TBC1D31: variants seen among roughly 807,000 people sequenced by gnomAD.
TBC1D31 encodes TBC1 domain family member 31, also known as WD repeat domain 67.
TBC1D31 carries 99 observed loss-of-function variants against 132.9 expected under a neutral mutation model. That is an observed-to-expected ratio of 0.74 (90% confidence interval 0.63 to 0.88). The LOEUF (loss-of-function observed/expected upper bound fraction) is 0.88, where lower values mean the gene tolerates loss of function less well. Among genes scored for constraint, TBC1D31 ranks in the 40% least tolerant of loss-of-function variants. The probability of loss-of-function intolerance (pLI) is 0.00; values close to 1 mark genes in which losing one functional copy is unlikely to be tolerated. For missense variants in TBC1D31, 1,134 were observed against 1,256.6 expected (o/e 0.90, Z 1.48); for synonymous variants, 385 against 419.4 (o/e 0.92, Z 1.00).
At position 123,144,860 on chromosome 8, in the gene TBC1D31, G is replaced by C. The variant is rs377733837; in HGVS notation, c.2974+5G>C. ...CTGAAAATCCATGTCATAAAGGTGA[G>C]TGTCTGAGAGGCCTTTCTCTCCATG... On this transcript the variant is annotated splice_donor_5th_base_variant and intron_variant, in intron 20 of 21. Coordinates refer to ENST00000287380, the MANE Select transcript of TBC1D31 (RefSeq NM_145647.4). The C allele has an allele frequency of 1.5e-5, 24 of 1,605,494 alleles. No homozygotes were observed. Among genetic ancestry groups the C allele is most frequent in the Non-Finnish European group, 1.9e-5 (22 of 1,177,804 alleles).
chr8:123,155,186 G>A (rs1464888435), downstream of TBC1D31, among the ~76,000 whole-genome samples: 1 of 152,108 alleles, frequency 6.6e-6, no homozygotes, highest in Non-Finnish European at 1.5e-5. The surrounding 1 kb of genome is among the most constrained non-coding windows in gnomAD (Gnocchi z 4.1). Context: ...GGGGTGGATT[G>A]ATCACATCTG....
downstream of TBC1D31, among the ~76,000 whole-genome samples, chr8:123,153,632 A>T (rs1345386121): frequency 6.6e-6 from 1 of 152,240 alleles, no homozygotes; most frequent in Admixed American, 6.5e-5. Flanking sequence ...AAAGGTTATC[A>T]CATTTAATGA....
At chr8:123,158,432 C>G in the TBC1D31 span, among the ~76,000 whole-genome samples, 1 of 152,100 alleles carries the variant, frequency 6.6e-6, no homozygotes, top group Non-Finnish European at 1.5e-5. Flanking sequence ...GTGGGGACCC[C>G]TGGGGAGAGT....
chr8:123,106,123 C>T (rs1339294954), intron 8 of TBC1D31, among the ~76,000 whole-genome samples: 1 of 152,180 alleles, frequency 6.6e-6, no homozygotes, highest in Non-Finnish European at 1.5e-5. Flanking sequence ...AATACAGTGT[C>T]CTTCCTTATC....
At chr8:123,085,100 T>G (rs564530477) in intron 4 of TBC1D31, among the ~76,000 whole-genome samples, 2 of 152,278 alleles carry the variant, frequency 1.3e-5, no homozygotes, top group South Asian at 4.1e-4. Flanking sequence ...GTGTGTGTGT[T>G]TTAAAGTAAA....
chr8:123,080,455 C>T (rs1364113878), intron 2 of TBC1D31, among the ~76,000 whole-genome samples: 1 of 151,494 alleles, frequency 6.6e-6, no homozygotes, highest in African/African-American at 2.4e-5. Flanking sequence ...AAGAGGGACC[C>T]CTTTGTAAAT....
intron 18 of TBC1D31, among the ~76,000 whole-genome samples, chr8:123,141,389 G>C (rs1821648439): frequency 7.6e-6 from 1 of 131,068 alleles, no homozygotes; most frequent in African/African-American, 2.9e-5. Context: ...GGTCAAATAA[G>C]TATTGGAAAT....
chr8:123,105,116 G>A (rs1482791273), intron 7 of TBC1D31, among the ~76,000 whole-genome samples, 172 bp from the exon 8 acceptor site: 1 of 152,058 alleles, frequency 6.6e-6, no homozygotes, highest in African/African-American at 2.4e-5. Context: ...AATTTGCTTT[G>A]ATTTATTAGT....
At chr8:123,145,053 A>T (rs1185612509) in intron 20 of TBC1D31, among the ~76,000 whole-genome samples, 198 bp downstream of exon 20, 1 of 151,814 alleles carries the variant, frequency 6.6e-6, no homozygotes. Context: ...CCTCCCAAGT[A>T]GCTGGGACCA....
chr8:123,099,159 A>G (rs1209595254), intron 6 of TBC1D31, among the ~76,000 whole-genome samples: 1 of 152,040 alleles, frequency 6.6e-6, no homozygotes, highest in African/African-American at 2.4e-5. Context: ...TCGCTCTGTC[A>G]CCCAGGCTGG....
At position 123,076,766 on chromosome 8, in the gene TBC1D31, T is replaced by C. The variant is rs556386654; in HGVS notation, c.78-345T>C. Among the ~76,000 whole-genome samples, 164 of 152,330 alleles carry C rather than the reference T, an allele frequency of 1.1e-3. 1 individual carries two copies. The South Asian group carries it at 0.028, about 26-fold the overall frequency. On this transcript the variant is annotated intron_variant, in intron 1 of 21. Coordinates refer to ENST00000287380, the MANE Select transcript of TBC1D31 (RefSeq NM_145647.4). The stretch of plus-strand genomic sequence containing the variant: ...ACTTAATCACAGTTTATAAATCTGT[T>C]TATATGTGTGTTTATTTTTTTAATA...
chr8:123,125,934 T>G (rs989846587), intron 11 of TBC1D31, 122 bp from the exon 12 acceptor site: 125 of 629,348 alleles, frequency 2.0e-4, no homozygotes, highest in Non-Finnish European at 2.7e-4. Context: ...ATATAAAGAG[T>G]TTTTTTTTAT....
intron 11 of TBC1D31, among the ~76,000 whole-genome samples, chr8:123,121,461 T>G (rs1819476040): frequency 6.6e-6 from 1 of 152,168 alleles, no homozygotes; most frequent in Non-Finnish European, 1.5e-5. Flanking sequence ...AGGTGGGGCC[T>G]AGTGGGAGGT....
chr8:123,080,495 A>C (rs537761047), intron 2 of TBC1D31, among the ~76,000 whole-genome samples: 1 of 150,996 alleles, frequency 6.6e-6, no homozygotes, highest in South Asian at 2.1e-4. Flanking sequence ...CTTTTAGACA[A>C]GAGCAGAGAG....
At chr8:123,108,851 C>A (rs1199744306) in intron 8 of TBC1D31, among the ~76,000 whole-genome samples, 1 of 152,086 alleles carries the variant, frequency 6.6e-6, no homozygotes, top group Non-Finnish European at 1.5e-5. Context: ...ACCTTCTTCA[C>A]AAGGCAGCAG....
chr8:123,119,633 A>C (rs2072093883), intron 10 of TBC1D31, among the ~76,000 whole-genome samples: 1 of 152,124 alleles, frequency 6.6e-6, no homozygotes, highest in African/African-American at 2.4e-5. Context: ...GGACCACTTG[A>C]GCCTAGGAGT....
intron 1 of TBC1D31, chr8:123,073,379 A>AC (rs1814115598): frequency 4.4e-6 from 2 of 456,120 alleles, no homozygotes; most frequent in Non-Finnish European, 8.8e-6. Flanking sequence ...AGCGCTGGGG[A>AC]CGGCGATGGA....
chr8:123,088,056 G>T (rs1815953020), intron 4 of TBC1D31, among the ~76,000 whole-genome samples: 1 of 152,122 alleles, frequency 6.6e-6, no homozygotes, highest in African/African-American at 2.4e-5. Context: ...GGGTGTGGTG[G>T]CACATGCCTG....
chr8:123,149,966 A>T, intron 20 of TBC1D31, 70 bp from the exon 21 acceptor site: 2 of 1,077,744 alleles, frequency 1.9e-6, no homozygotes, highest in Non-Finnish European at 2.8e-6. Context: ...CTTACTAGGG[A>T]CCATTTGGAA....
Sources: gnomAD v4.1 joint callset for allele counts (sites outside exome capture counted in the v4.1 genomes callset) on GRCh38, gnomAD v4.1.1 for gene constraint, Gnocchi (gnomAD v3.1) non-coding constraint, MANE v1.5 for transcripts, NCBI Gene and HGNC (gene_info 2026-07-23, HGNC 2026-07-21) for gene names.